The following MYO1F variants were observed in gnomAD, a reference collection of about 807,000 sequenced individuals.
MYO1F encodes the protein unconventional myosin-If.
A neutral mutation model predicts 146.6 loss-of-function variants in MYO1F; 60 were observed. The ratio of observed to expected loss-of-function variants is 0.41; its 90% CI spans 0.33 to 0.51. MYO1F has a LOEUF of 0.51. MYO1F is among the 20% of genes least tolerant of loss of function. MYO1F has a pLI of 0.25. For missense variants in MYO1F, 1,274 were observed against 1,534.3 expected, an observed-to-expected ratio of 0.83 and a Z score of 2.83; for synonymous variants, 602 against 602.1, an observed-to-expected ratio of 1.00 and a Z score of 0.00.
intron 1 of MYO1F, among the ~76,000 whole-genome samples, chr19:8,571,858 A>G (rs2042116019): frequency 6.6e-6 from 1 of 151,818 alleles, no homozygotes; most frequent in Admixed American, 6.6e-5. Flanking sequence ...CGGCCTCCCA[A>G]AGTGCTGGGA....
intron 1 of MYO1F, among the ~76,000 whole-genome samples, chr19:8,556,247 C>T (rs1030332768): frequency 6.6e-6 from 1 of 151,068 alleles, no homozygotes; most frequent in African/African-American, 2.4e-5. Flanking sequence ...CCAGGCTGGT[C>T]TGGAACTCCT....
intron 9 of MYO1F, 97 bp from the exon 10 acceptor site, chr19:8,550,453 C>A: frequency 6.3e-7 from 1 of 1,598,984 alleles, no homozygotes; most frequent in Non-Finnish European, 8.5e-7. Flanking sequence ...CCCAGTGACA[C>A]CCACATTTTT....
intron 12 of MYO1F, among the ~76,000 whole-genome samples, chr19:8,546,417 C>T (rs996833735): frequency 1.3e-5 from 2 of 151,406 alleles, no homozygotes; most frequent in Admixed American, 6.6e-5. Flanking sequence ...TGGAACTCAG[C>T]GATGCGATCC....
rs557834627 is a variant in MYO1F at position 8,543,978 on chromosome 19, C to G, written c.1524+319G>C. 2.2e-3 allele frequency: 375 copies of G among 167,352 alleles called. 3 individuals are homozygous for G. Among genetic ancestry groups the G allele is most frequent in the Admixed American group, 7.8e-3 (80 of 10,266 alleles). 10.4% of individuals were successfully genotyped at this position (167,352 alleles called of 1,614,324 possible). The stretch of plus-strand genomic sequence containing the variant: ...GGTGGTGGTGGTGGTGGTGCTGGTG[C>G]TGGTGCTGGTGGTGGTGCTGGTGGT... On this transcript the variant is annotated intron_variant, in intron 14 of 27. Coordinates refer to ENST00000644032, the MANE Select transcript of MYO1F (RefSeq NM_012335.4).
chr19:8,543,475 G>C (rs896231213), intron 14 of MYO1F, among the ~76,000 whole-genome samples: 1 of 151,290 alleles, frequency 6.6e-6, no homozygotes, highest in East Asian at 1.9e-4. Context: ...TAGTCAGGGG[G>C]TTATGACTCA....
intron 10 of MYO1F, 124 bp from the exon 11 acceptor site, chr19:8,548,441 C>T: frequency 1.2e-6 from 1 of 862,742 alleles, no homozygotes; most frequent in Non-Finnish European, 1.9e-6. Context: ...CAGTTTCCCT[C>T]CAGCCCTCTT....
intron 1 of MYO1F, among the ~76,000 whole-genome samples, chr19:8,563,138 C>A (rs776840290): frequency 6.6e-6 from 1 of 150,764 alleles, no homozygotes; most frequent in Non-Finnish European, 1.5e-5. Flanking sequence ...ACTACAGGCA[C>A]CTGCCACCAT....
chr19:8,536,037 A>G (rs1382528192), intron 19 of MYO1F, among the ~76,000 whole-genome samples: 1 of 151,318 alleles, frequency 6.6e-6, no homozygotes, highest in Non-Finnish European at 1.5e-5. Flanking sequence ...CTTTCAGTCT[A>G]TTAATCTCTC....
At position 8,526,474 on chromosome 19, in the gene MYO1F, C is replaced by A. The variant is rs1005137511; in HGVS notation, c.2749G>T (p.Asp917Tyr). The change falls in exon 24 of 28, where the codon GAT becomes TAT. Residue 917 changes from aspartate (D) to tyrosine (Y), a missense_variant. Asp to Tyr is a radical substitution (Grantham distance 160). Around this residue, in one of 2 missense-constraint regions of MYO1F, gnomAD observed 374 missense variants for 379.2 expected, o/e 0.99. Transcript: ENST00000644032. ...GGRTLTVSVG[D>Y]GLPKSSKPTR... ...TCACTGGAGCTCTTGGGCAGCCCATCGCCCACGCTGACCGTGAGGGTCCGA... is the reference window on the plus strand; with the variant it reads ...TCACTGGAGCTCTTGGGCAGCCCATAGCCCACGCTGACCGTGAGGGTCCGA... 2.6e-5 allele frequency: 41 copies of A among 1,561,338 alleles called. No individual in the cohort carries two copies. Among genetic ancestry groups the A allele is most frequent in the Non-Finnish European group, 3.2e-5 (37 of 1,152,754 alleles).
chr19:8,546,958 C>T (rs1037100528), intron 12 of MYO1F, among the ~76,000 whole-genome samples: 3 of 151,968 alleles, frequency 2.0e-5, no homozygotes, highest in South Asian at 2.1e-4. Context: ...GGATTACAGG[C>T]GTGAGCCACT....
chr19:8,567,013 C>G (rs2042016624), intron 1 of MYO1F, among the ~76,000 whole-genome samples: 1 of 151,302 alleles, frequency 6.6e-6, no homozygotes, highest in African/African-American at 2.4e-5. Context: ...TTCATCTTAT[C>G]CTTTCAACAC....
Position 8,530,500 on chromosome 19 carries a change from C to T in MYO1F, c.2117G>A (p.Arg706His), listed in dbSNP as rs771170131. ...CTCGTACTTCCGGACAGCCACGTGG[C>T]GCCGCCAGGCCTTCTGGATGGTTCG... ...FARTIQKAWR[R>H]HVAVRKYEEM... The change falls in exon 20 of 28, where the codon CGC (arginine) becomes CAC (histidine). Residue 706 changes from arginine to histidine, a missense_variant. Physicochemically the swap from Arg to His is conservative, Grantham distance 29. This residue lies in a region of MYO1F where 900 missense variants were observed against 1,155.1 expected (regional missense o/e 0.78). Coordinates refer to ENST00000644032, the MANE Select transcript of MYO1F (RefSeq NM_012335.4). The surrounding 1 kb of genome is among the most constrained non-coding windows in gnomAD (Gnocchi z 5.8). The T allele has an allele frequency of 1.1e-5, 17 of 1,613,708 alleles. No homozygotes were observed. The highest frequency in any genetic ancestry group is 1.3e-5 in the African/African-American group (1 of 75,044).
At position 8,548,879 on chromosome 19, in the gene MYO1F, C is replaced by T. The variant is rs867370594; in HGVS notation, c.1102-562G>A. Among the ~76,000 whole-genome samples, 7 of 152,060 alleles carry T rather than the reference C, an allele frequency of 4.6e-5. No homozygotes were observed. The Middle Eastern group carries it at 0.014, about 296-fold the overall frequency. The stretch of plus-strand genomic sequence containing the variant: ...CCGGGATTACAGGTGTGAGCCACTG[C>T]GCCCGGCCTTGCACCTCTATTTTCT... On this transcript the variant is annotated intron_variant, in intron 10 of 27. Coordinates refer to ENST00000644032, the MANE Select transcript of MYO1F (RefSeq NM_012335.4).
chr19:8,555,875 G>T, intron 1 of MYO1F, 79 bp from the exon 2 acceptor site: 2 of 1,432,710 alleles, frequency 1.4e-6, no homozygotes. Context: ...TCAGCTTCTG[G>T]GTTCTGTCCC....
rs1038646220 is a variant in MYO1F at position 8,530,024 on chromosome 19, T to TG, written c.2328+171dup. 4 of 848,040 alleles carry TG rather than the reference T, an allele frequency of 4.7e-6. No individual in the cohort carries two copies. In the African/African-American group the frequency reaches 6.7e-5, roughly 14 times the overall value. The allele number at this position is 848,040 out of a possible 1,614,324, so 52.5% of individuals were successfully genotyped here. A position where few individuals can be genotyped will look rare whatever the true frequency, so the allele number is the denominator to read the frequency against. Reference sequence around the variant, plus strand: ...TGTGATGGAACAGATGGATCTAGGCTGGGGGATCTATGCCTGTGGGCAGGT... The same window carrying TG: ...TGTGATGGAACAGATGGATCTAGGCTGGGGGGATCTATGCCTGTGGGCAGGT... On this transcript the variant is annotated intron_variant, in intron 21 of 27. Coordinates refer to ENST00000644032, the MANE Select transcript of MYO1F (RefSeq NM_012335.4). The surrounding 1 kb of genome is among the most constrained non-coding windows in gnomAD (Gnocchi z 5.8).
intron 1 of MYO1F, among the ~76,000 whole-genome samples, chr19:8,567,431 C>A (rs1227884088): frequency 6.6e-6 from 1 of 151,892 alleles, no homozygotes; most frequent in Admixed American, 6.6e-5. Flanking sequence ...TGCAGTGGCA[C>A]GATCTCAGCT....
At chr19:8,570,839 T>A (rs1555731682) in intron 1 of MYO1F, among the ~76,000 whole-genome samples, 2 of 151,984 alleles carry the variant, frequency 1.3e-5, no homozygotes, top group Admixed American at 6.6e-5. Context: ...GCCTTGGGAG[T>A]CACTGAGTCA....
chr19:8,570,518 C>T (rs1265495968), intron 1 of MYO1F, among the ~76,000 whole-genome samples: 1 of 151,674 alleles, frequency 6.6e-6, no homozygotes, highest in Admixed American at 6.6e-5. Context: ...AGGTGCACGC[C>T]ACCACACCTG....
intron 17 of MYO1F, 50 bp downstream of exon 17, chr19:8,536,899 A>C: frequency 4.5e-6 from 5 of 1,104,742 alleles, no homozygotes; most frequent in Non-Finnish European, 6.2e-6. Context: ...TTCTAGGGGT[A>C]ACTGCAGGGC....
Sources: allele counts gnomAD v4.1 joint callset (sites outside exome capture counted in the v4.1 genomes callset), GRCh38; gene constraint gnomAD v4.1.1; regional missense constraint gnomAD v4.1.1; non-coding constraint Gnocchi (gnomAD v3.1); transcripts MANE v1.5; gene names NCBI Gene and HGNC (gene_info 2026-07-23, HGNC 2026-07-21).